The following DPH6 variants were observed in gnomAD, a reference collection of about 807,000 sequenced individuals.
DPH6 encodes the protein diphthine--ammonia ligase.
In DPH6, 33 loss-of-function variants were observed where a neutral mutation model predicts 38.2. The ratio of observed to expected loss-of-function variants is 0.86; its 90% confidence interval spans 0.65 to 1.15. The LOEUF is 1.15. Ranked by LOEUF, DPH6 falls within the 50% of genes most tolerant of loss-of-function variation. DPH6 has a pLI of 0.00. For missense variants in DPH6, 325 were observed against 320.0 expected (o/e 1.02, Z -0.12); for synonymous variants, 108 against 103.0 (o/e 1.05, Z -0.30).
At chr15:35,343,381 C>T (rs2052437138) in intron 3 of DPH6, among the ~76,000 whole-genome samples, 1 of 152,086 alleles carries the variant, frequency 6.6e-6, no homozygotes, top group African/African-American at 2.4e-5. Context: ...TATGATTCCA[C>T]ATTCACCAAT....
At chr15:35,327,398 T>C (rs7174520), downstream of DPH6, among the ~76,000 whole-genome samples, 4,308 of 146,428 alleles carry the variant, frequency 0.029, 216 homozygotes, top group African/African-American at 0.1. Flanking sequence ...CAGGCTGGAG[T>C]GCAGTGACGC....
chr15:35,443,156 AC>A (rs1277322882), intron 5 of DPH6, among the ~76,000 whole-genome samples: 1 of 152,174 alleles, frequency 6.6e-6, no homozygotes, highest in African/African-American at 2.4e-5. Flanking sequence ...AAAAGCACAT[AC>A]AAAAAATTCT....
At chr15:35,194,254 T>C in the DPH6 span, among the ~76,000 whole-genome samples, 2 of 152,152 alleles carry the variant, frequency 1.3e-5, no homozygotes, top group African/African-American at 4.8e-5. Context: ...TGGGGTTTCC[T>C]GACATCGGTG....
At chr15:35,362,601 C>A (rs1370969771) in intron 3 of DPH6, among the ~76,000 whole-genome samples, 3 of 152,126 alleles carry the variant, frequency 2.0e-5, no homozygotes, top group Non-Finnish European at 4.4e-5. Flanking sequence ...TATGTCAGGA[C>A]CCTGTCTGCA....
intron 3 of DPH6, among the ~76,000 whole-genome samples, chr15:35,460,866 C>T (rs981009024): frequency 7.2e-5 from 10 of 138,078 alleles, no homozygotes; most frequent in Admixed American, 2.4e-4. Flanking sequence ...ACAATAGAGA[C>T]GGCACTTCCT....
At chr15:35,459,732 C>T (rs1442376234) in intron 3 of DPH6, among the ~76,000 whole-genome samples, 3 of 151,950 alleles carry the variant, frequency 2.0e-5, no homozygotes, top group African/African-American at 4.8e-5. Flanking sequence ...CCAGTGAAGA[C>T]GTTCGAAAAG....
At chr15:35,257,535 A>C (rs1304834542) in intron 3 of DPH6, among the ~76,000 whole-genome samples, 1 of 152,214 alleles carries the variant, frequency 6.6e-6, no homozygotes, top group Non-Finnish European at 1.5e-5. Flanking sequence ...AGTGACTTGG[A>C]AAGTATAACA....
the DPH6 span, among the ~76,000 whole-genome samples, chr15:35,150,023 T>C: frequency 7.2e-5 from 11 of 152,196 alleles, no homozygotes; most frequent in African/African-American, 2.2e-4. Flanking sequence ...CACACATCTC[T>C]TGAATGTAGA....
the DPH6 span, among the ~76,000 whole-genome samples, chr15:35,185,986 G>A: frequency 6.6e-6 from 1 of 151,788 alleles, no homozygotes; most frequent in South Asian, 2.1e-4. Context: ...CGCTTGCCTC[G>A]GCCTCCCAAA....
In DPH6 at chr15:35,506,512, A is replaced by G. The variant is rs951198422; in HGVS notation, c.312+31762T>C. Among the ~76,000 whole-genome samples the G allele has an allele frequency of 9.2e-5, 14 of 152,296 alleles. 1 individual carries two copies. The highest frequency in any genetic ancestry group is 7.7e-4 in the East Asian group (4 of 5,180). On this transcript the variant is annotated intron_variant, in intron 3 of 8. Coordinates refer to ENST00000256538, the MANE Select transcript of DPH6 (RefSeq NM_080650.4). ...CTGAGTTTACTCTTCGGCATGGGACAGTGTAAATAAGAGGGGTTCCTACTT... is the reference window on the plus strand; with the variant it reads ...CTGAGTTTACTCTTCGGCATGGGACGGTGTAAATAAGAGGGGTTCCTACTT...
chr15:35,485,632 A>C (rs1426121441), intron 3 of DPH6, among the ~76,000 whole-genome samples: 4 of 152,194 alleles, frequency 2.6e-5, no homozygotes, highest in Non-Finnish European at 4.4e-5. Context: ...TGGCAAGGTA[A>C]AACTTCCTTG....
intron 3 of DPH6, among the ~76,000 whole-genome samples, chr15:35,253,998 C>T (rs1343912574): frequency 2.0e-5 from 3 of 152,116 alleles, no homozygotes; most frequent in African/African-American, 7.2e-5. Context: ...AATAAAAAGG[C>T]TATCATTTGT....
At chr15:35,194,888 T>A in the DPH6 span, among the ~76,000 whole-genome samples, 1 of 152,234 alleles carries the variant, frequency 6.6e-6, no homozygotes. Context: ...AATTGGGATA[T>A]AAATTACCTT....
chr15:35,456,504 T>C (rs2053999397), intron 3 of DPH6, among the ~76,000 whole-genome samples: 1 of 150,000 alleles, frequency 6.7e-6, no homozygotes, highest in Middle Eastern at 3.2e-3. Flanking sequence ...TATTTTTTTT[T>C]TGAGATGGAG....
chr15:35,430,870 A>C (rs942433094), intron 5 of DPH6, among the ~76,000 whole-genome samples: 2 of 152,138 alleles, frequency 1.3e-5, no homozygotes, highest in African/African-American at 2.4e-5. Flanking sequence ...GACAATGCAA[A>C]TAAAAATGTG....
chr15:35,481,455 T>C (rs2054325974), intron 3 of DPH6, among the ~76,000 whole-genome samples: 1 of 152,146 alleles, frequency 6.6e-6, no homozygotes, highest in Non-Finnish European at 1.5e-5. Context: ...TGAAACTTCT[T>C]TGGATCTTGA....
chr15:35,235,040 G>A (rs2051541720), intron 3 of DPH6, among the ~76,000 whole-genome samples: 1 of 152,190 alleles, frequency 6.6e-6, no homozygotes, highest in African/African-American at 2.4e-5. Flanking sequence ...CTTCAGTCAG[G>A]CTCTACTTCT....
chr15:35,515,152 T>C (rs1288816291), intron 3 of DPH6, among the ~76,000 whole-genome samples: 3 of 150,936 alleles, frequency 2.0e-5, no homozygotes, highest in East Asian at 1.9e-4. Flanking sequence ...AAAAAGCTAA[T>C]GTATCTTAAC....
intron 5 of DPH6, among the ~76,000 whole-genome samples, chr15:35,425,732 G>A (rs1375289037): frequency 3.4e-5 from 5 of 149,040 alleles, no homozygotes; most frequent in South Asian, 4.2e-4. Flanking sequence ...GTAGCTTTGG[G>A]ATGGATAGAC....
Sources: gnomAD v4.1 joint callset for allele counts (sites outside exome capture counted in the v4.1 genomes callset) on GRCh38, gnomAD v4.1.1 for gene constraint, MANE v1.5 for transcripts, NCBI Gene and HGNC (gene_info 2026-07-23, HGNC 2026-07-21) for gene names.